Variants in CROT observed in about 807,000 individuals in gnomAD.
CROT encodes the protein carnitine O-octanoyltransferase.
CROT carries 84 observed loss-of-function variants against 89.2 expected under a neutral mutation model. The ratio of observed to expected loss-of-function variants is 0.94; its 90% CI spans 0.79 to 1.13. CROT has a LOEUF of 1.13. CROT is among the 50% of genes most tolerant of loss of function. The pLI is 0.00. For synonymous variants in CROT, 212 were observed against 239.5 expected, an observed-to-expected ratio of 0.89 and a Z score of 1.06; for missense variants, 711 against 727.8, an observed-to-expected ratio of 0.98 and a Z score of 0.27.
chr7:87,365,368 TA>T (rs1436395344), intron 6 of CROT, among the ~76,000 whole-genome samples: 5 of 151,990 alleles, frequency 3.3e-5, no homozygotes, highest in Non-Finnish European at 7.4e-5. Flanking sequence ...CTCGCGCCTG[TA>T]ATCCCAGCTA....
In CROT at chr7:87,375,602, T is replaced by A; in HGVS notation, c.657-30T>A. Reference sequence around the variant, plus strand: ...AAGTAGTTACTTTCTGCCTGTACTCTTTTTTAATCTTCTTTTCATCTTCCA... The same window carrying A: ...AAGTAGTTACTTTCTGCCTGTACTCATTTTTAATCTTCTTTTCATCTTCCA... On this transcript the variant is annotated intron_variant, in intron 7 of 17. Transcript: ENST00000331536. 1.9e-6 allele frequency: 3 copies of A among 1,548,452 alleles called. No individual in the cohort carries two copies. In the South Asian group the frequency reaches 3.4e-5, roughly 17 times the overall value.
chr7:87,390,566 C>T (rs1309665181), intron 13 of CROT, among the ~76,000 whole-genome samples: 1 of 152,156 alleles, frequency 6.6e-6, no homozygotes, highest in Non-Finnish European at 1.5e-5. Context: ...TTGAGCCCTC[C>T]TAGTACCCAC....
At chr7:87,384,785 C>T (rs1470959605) in intron 13 of CROT, among the ~76,000 whole-genome samples, 3 of 152,162 alleles carry the variant, frequency 2.0e-5, no homozygotes, top group Non-Finnish European at 4.4e-5. Context: ...GAAATATTTG[C>T]CCAGTTCAGT....
At position 87,349,150 on chromosome 7, in the gene CROT, C is replaced by T. The variant is rs776057015; in HGVS notation, c.82C>T (p.Leu28Phe). The stretch of plus-strand genomic sequence containing the variant: ...TCTTCCATCACTGCCTGTTCCTTCA[C>T]TTGAAGAATCATTAAAAAAATACCT... ...DSLPSLPVPS[L>F]EESLKKYLES... Residue 28 changes from leucine to phenylalanine, a missense_variant, in exon 3 of 18, where the codon CTT becomes TTT. By Grantham distance (22) the Leu-to-Phe change is conservative. Transcript: ENST00000331536. 2 of 1,594,858 alleles carry T rather than the reference C, an allele frequency of 1.3e-6. No homozygotes were observed. The highest frequency in any genetic ancestry group is 1.7e-6 in the Non-Finnish European group (2 of 1,166,794).
intron 10 of CROT, among the ~76,000 whole-genome samples, chr7:87,381,284 T>C (rs1263486951): frequency 6.6e-6 from 1 of 152,168 alleles, no homozygotes; most frequent in African/African-American, 2.4e-5. Flanking sequence ...TTCTTCAAAA[T>C]AGATGATGGG....
At chr7:87,368,450 G>GT (rs1382028053) in intron 6 of CROT, among the ~76,000 whole-genome samples, 1 of 152,142 alleles carries the variant, frequency 6.6e-6, no homozygotes, top group Non-Finnish European at 1.5e-5. Context: ...AGAAGAAATG[G>GT]TTTGGAGGTA....
intron 6 of CROT, among the ~76,000 whole-genome samples, chr7:87,369,110 A>G (rs1806541157): frequency 1.3e-5 from 2 of 152,270 alleles, no homozygotes; most frequent in Non-Finnish European, 2.9e-5. Flanking sequence ...AAAGGTCTGT[A>G]GTAGTTTGGG....
At chr7:87,395,586 C>A (rs1807498966) in intron 17 of CROT, among the ~76,000 whole-genome samples, 1 of 152,134 alleles carries the variant, frequency 6.6e-6, no homozygotes, top group Non-Finnish European at 1.5e-5. Flanking sequence ...AACTTTGAGC[C>A]TTGAAGGGAA....
intron 13 of CROT, 122 bp from the exon 14 acceptor site, chr7:87,391,467 C>T: frequency 1.1e-6 from 1 of 889,174 alleles, no homozygotes; most frequent in Non-Finnish European, 1.6e-6. Flanking sequence ...TGAAAGTCTC[C>T]AACCTATCTG....
chr7:87,384,440 G>A (rs1488535454), intron 13 of CROT, among the ~76,000 whole-genome samples: 4 of 152,206 alleles, frequency 2.6e-5, no homozygotes, highest in Admixed American at 6.5e-5. Context: ...GCTGAGGCAC[G>A]AGAATCCCTT....
intron 10 of CROT, among the ~76,000 whole-genome samples, chr7:87,379,508 C>CTG (rs1358230016): frequency 6.6e-6 from 1 of 152,178 alleles, no homozygotes; most frequent in Non-Finnish European, 1.5e-5. Flanking sequence ...TTTTGCTAAA[C>CTG]TGATTTTTAC....
At chr7:87,394,710 T>A (rs1321581836) in intron 17 of CROT, among the ~76,000 whole-genome samples, 1 of 152,170 alleles carries the variant, frequency 6.6e-6, no homozygotes, top group Non-Finnish European at 1.5e-5. Flanking sequence ...CCTTTCTTGC[T>A]ATAAAAAGGC....
intron 2 of CROT, among the ~76,000 whole-genome samples, chr7:87,348,438 C>A (rs933212408): frequency 2.0e-5 from 3 of 152,170 alleles, no homozygotes; most frequent in Non-Finnish European, 2.9e-5. Context: ...CTATAATAAT[C>A]TTTAATTCTA....
intron 6 of CROT, among the ~76,000 whole-genome samples, chr7:87,365,399 A>G (rs1806406589): frequency 1.3e-5 from 2 of 151,888 alleles, no homozygotes; most frequent in African/African-American, 4.8e-5. Flanking sequence ...CTGAGGCAGG[A>G]GAATCACTTG....
At chr7:87,346,066 G>C (rs1380895016) in intron 1 of CROT, among the ~76,000 whole-genome samples, 1 of 152,144 alleles carries the variant, frequency 6.6e-6, no homozygotes, top group African/African-American at 2.4e-5. Flanking sequence ...GCCACTCTGC[G>C]ACGAACCTGT....
At chr7:87,381,854 G>A in intron 10 of CROT, 56 bp from the exon 11 acceptor site, 1 of 1,198,018 alleles carries the variant, frequency 8.3e-7, no homozygotes, top group Non-Finnish European at 1.2e-6. Flanking sequence ...TAAAATATTG[G>A]GTCAAGTTTT....
chr7:87,392,856 A>G (rs779569787), intron 16 of CROT, 33 bp downstream of exon 16: 54 of 1,609,320 alleles, frequency 3.4e-5, no homozygotes, highest in Non-Finnish European at 4.6e-5. Context: ...AGCTTCATCA[A>G]TTGGCTTCCT....
chr7:87,382,571 C>T, intron 13 of CROT, 28 bp downstream of exon 13: 1 of 1,600,810 alleles, frequency 6.2e-7, no homozygotes, highest in South Asian at 1.1e-5. Context: ...TCTATTTTCA[C>T]AGTCTTGAAG....
chr7:87,392,025 A>G (rs1807377342), intron 14 of CROT, among the ~76,000 whole-genome samples: 1 of 152,200 alleles, frequency 6.6e-6, no homozygotes, highest in East Asian at 1.9e-4. Flanking sequence ...AGGTGCCTTT[A>G]AAAGGAAGGT....
Sources: allele counts gnomAD v4.1 joint callset (sites outside exome capture counted in the v4.1 genomes callset), GRCh38; gene constraint gnomAD v4.1.1; transcripts MANE v1.5; gene names NCBI Gene and HGNC (gene_info 2026-07-23, HGNC 2026-07-21).